Variants in SEMA6D observed in about 807,000 individuals in gnomAD.
The protein encoded by SEMA6D is semaphorin 6D.
Under a neutral mutation model 106.6 loss-of-function variants are expected in SEMA6D, and 35 were observed. The observed-to-expected ratio is 0.33, with a 90% CI of 0.25 to 0.44. SEMA6D has a LOEUF of 0.44. Among genes scored for constraint, SEMA6D ranks in the 20% least tolerant of loss-of-function variants. The pLI is 1.00. For synonymous variants in SEMA6D, 499 were observed against 487.7 expected (o/e 1.02, Z -0.31); for missense variants, 1,185 against 1,345.9 (o/e 0.88, Z 1.87).
rs180730857 is a variant in SEMA6D, at chr15:47,246,548, G to C, written c.-239+62130G>C. ...CCATTTCCTTGCTTTTCCAGCTTCCGGAAACTACTTACATTCCTTGACACA... is the reference window on the plus strand; with the variant it reads ...CCATTTCCTTGCTTTTCCAGCTTCCCGAAACTACTTACATTCCTTGACACA... On this transcript the variant is annotated intron_variant, in intron 1 of 19. Transcript: ENST00000558014. Among the ~76,000 whole-genome samples, 161 of 152,172 alleles carry C rather than the reference G, an allele frequency of 1.1e-3. 1 individual carries two copies. The highest frequency in any genetic ancestry group is 3.8e-3 in the African/African-American group (158 of 41,520).
intron 3 of SEMA6D, among the ~76,000 whole-genome samples, chr15:47,489,116 G>A (rs1447272076): frequency 2.0e-5 from 3 of 152,144 alleles, no homozygotes; most frequent in Admixed American, 6.5e-5. Context: ...CCAATGAGAA[G>A]TGTCCTTATA....
At chr15:47,531,377 C>T (rs1057183877) in intron 3 of SEMA6D, among the ~76,000 whole-genome samples, 1 of 152,202 alleles carries the variant, frequency 6.6e-6, no homozygotes, top group African/African-American at 2.4e-5. Flanking sequence ...TATGCATAAA[C>T]AAATTATATT....
intron 3 of SEMA6D, among the ~76,000 whole-genome samples, chr15:47,542,509 T>C (rs2045386391): frequency 6.6e-6 from 1 of 152,184 alleles, no homozygotes. Context: ...GCCAAGCTTA[T>C]GTACAACTCA....
In SEMA6D at chr15:47,771,537, C is replaced by T. The variant is rs138853699; in HGVS notation, c.2974C>T (p.Gln992Ter). 1 of 1,613,990 alleles carries T rather than the reference C, an allele frequency of 6.2e-7. No individual in the cohort carries two copies. The highest frequency in any genetic ancestry group is 1.7e-5 in the Admixed American group (1 of 60,000). Residue 992 changes from glutamine (Q) to a stop codon, truncating the protein, a stop_gained, in exon 19 of 19, where the codon CAG (glutamine) becomes TAG (stop). Transcript: ENST00000536845. LOFTEE classifies it high-confidence loss of function. ...NSPNGVLLSR[Q>*]PSMNRGGYMP... ...ACCAAATGGTGTTTTGTTATCCAGA[C>T]AGCCTAGTATGAACCGTGGAGGATA... is the stretch of plus-strand genomic sequence containing the variant.
chr15:47,684,903 C>T (rs564370316), intron 4 of SEMA6D, among the ~76,000 whole-genome samples: 7 of 152,186 alleles, frequency 4.6e-5, no homozygotes, highest in African/African-American at 1.4e-4. Context: ...ACGCCAGGCT[C>T]AATGCCAAAT....
chr15:47,215,170 A>T (rs1361531643), intron 1 of SEMA6D, among the ~76,000 whole-genome samples: 1 of 70,386 alleles, frequency 1.4e-5, no homozygotes, highest in Non-Finnish European at 3.0e-5. Context: ...TCTGCTGTTT[A>T]TACTTTATAT....
chr15:47,592,611 AC>A (rs1299707327), intron 3 of SEMA6D, among the ~76,000 whole-genome samples: 1 of 152,206 alleles, frequency 6.6e-6, no homozygotes, highest in African/African-American at 2.4e-5. Flanking sequence ...AGTGTTTACA[AC>A]AAACCCCTTG....
At chr15:47,638,351 C>T (rs757172655) in intron 4 of SEMA6D, among the ~76,000 whole-genome samples, 57 of 152,140 alleles carry the variant, frequency 3.7e-4, no homozygotes, top group African/African-American at 1.3e-3. Flanking sequence ...ATGACAAGCA[C>T]GGTAAAACTC....
At chr15:47,327,422 C>T (rs895459446) in intron 1 of SEMA6D, among the ~76,000 whole-genome samples, 23 of 152,106 alleles carry the variant, frequency 1.5e-4, no homozygotes, top group Non-Finnish European at 7.4e-5. Context: ...AACCTGTTCC[C>T]TTAGTCACAT....
In SEMA6D at chr15:47,356,416, C is replaced by T. The variant is rs182761219; in HGVS notation, c.-238-55977C>T. On this transcript the variant is annotated intron_variant, in intron 1 of 19. Coordinates refer to the SEMA6D transcript ENST00000558014. ...GTGCCCCACAGTACACCTGGAGGCA[C>T]AAATGAGAGCACAGTTAAAGCTGGG... 3.6e-3 allele frequency among the ~76,000 whole-genome samples: 541 copies of T among 152,142 alleles called. 3 individuals are homozygous for T. The highest frequency in any genetic ancestry group is 4.1e-3 in the Non-Finnish European group (282 of 68,022).
At chr15:47,463,549 C>T (rs561690505) in intron 2 of SEMA6D, among the ~76,000 whole-genome samples, 7 of 152,230 alleles carry the variant, frequency 4.6e-5, no homozygotes, top group Admixed American at 2.6e-4. Context: ...CACATGTGTG[C>T]GTCATGGTAG....
chr15:47,498,987 C>G (rs1319569260), intron 3 of SEMA6D, among the ~76,000 whole-genome samples: 1 of 152,144 alleles, frequency 6.6e-6, no homozygotes, highest in Admixed American at 6.6e-5. Flanking sequence ...TCTTAAGTAA[C>G]CCAGTGGAGA....
chr15:47,207,107 A>G (rs1895124026), intron 1 of SEMA6D, among the ~76,000 whole-genome samples: 1 of 152,136 alleles, frequency 6.6e-6, no homozygotes, highest in African/African-American at 2.4e-5. Context: ...TGGAAGAGAG[A>G]AGGAATGGCT....
chr15:47,734,609 A>G (rs531074838), intron 1 of SEMA6D, among the ~76,000 whole-genome samples: 1 of 152,300 alleles, frequency 6.6e-6, no homozygotes, highest in Admixed American at 6.5e-5. Flanking sequence ...ACTGTGTCAC[A>G]TACTCAGGAA....
chr15:47,405,427 A>AC (rs954444621), intron 1 of SEMA6D, among the ~76,000 whole-genome samples: 1 of 151,754 alleles, frequency 6.6e-6, no homozygotes, highest in African/African-American at 2.4e-5. Context: ...CTCCTCCACT[A>AC]CCCCCCAAAC....
chr15:47,430,879 G>A (rs2041501023), intron 2 of SEMA6D, among the ~76,000 whole-genome samples: 1 of 152,094 alleles, frequency 6.6e-6, no homozygotes. Context: ...GCAGGAGCAA[G>A]GCTTCTCATC....
At chr15:47,379,343 T>A (rs559358788) in intron 1 of SEMA6D, among the ~76,000 whole-genome samples, 6 of 152,282 alleles carry the variant, frequency 3.9e-5, no homozygotes, top group African/African-American at 1.4e-4. Context: ...AAATAATAGG[T>A]CAGTAAAGAT....
At chr15:47,397,841 T>G (rs569597167) in intron 1 of SEMA6D, 17 of 152,340 alleles carry the variant, frequency 1.1e-4, no homozygotes, top group African/African-American at 4.1e-4. Context: ...TTTGCTTCAC[T>G]GTTTGTTGAG....
chr15:47,756,031 C>T (rs1160000254), intron 1 of SEMA6D, among the ~76,000 whole-genome samples: 2 of 151,972 alleles, frequency 1.3e-5, no homozygotes, highest in East Asian at 1.9e-4. Context: ...TAAGAGCTTT[C>T]CTCATCATAT....
Sources: gnomAD v4.1 joint callset for allele counts (sites outside exome capture counted in the v4.1 genomes callset) on GRCh38, gnomAD v4.1.1 for gene constraint, MANE v1.5 for transcripts, NCBI Gene and HGNC (gene_info 2026-07-23, HGNC 2026-07-21) for gene names.